Variants in DDAH1 observed in about 807,000 individuals in gnomAD.
The protein encoded by DDAH1 is dimethylarginine dimethylaminohydrolase 1.
DDAH1 carries 19 observed loss-of-function variants against 28.8 expected under a neutral mutation model. The ratio of observed to expected loss-of-function variants is 0.66; its 90% CI spans 0.46 to 0.97. The LOEUF (loss-of-function observed/expected upper bound fraction) is 0.97. DDAH1 is among the 50% of genes least tolerant of loss of function. DDAH1 has a pLI of 0.00. For synonymous variants in DDAH1, 153 were observed against 154.4 expected (o/e 0.99, Z 0.07); for missense variants, 326 against 375.9 (o/e 0.87, Z 1.10).
chr1:85,440,708 G>A (rs548575227), intron 1 of DDAH1, among the ~76,000 whole-genome samples: 4 of 152,260 alleles, frequency 2.6e-5, no homozygotes, highest in Admixed American at 6.5e-5. Context: ...GGAAGTGGAC[G>A]TCTGTAATAC....
At chr1:85,330,974 C>T (rs1394396503) in intron 4 of DDAH1, among the ~76,000 whole-genome samples, 1 of 152,176 alleles carries the variant, frequency 6.6e-6, no homozygotes, top group Non-Finnish European at 1.5e-5. Context: ...GAAGAAGGCA[C>T]GCAGCTGTAG....
At chr1:85,502,957 A>T (rs922409832) in intron 1 of DDAH1, among the ~76,000 whole-genome samples, 2 of 152,120 alleles carry the variant, frequency 1.3e-5, no homozygotes, top group African/African-American at 4.8e-5. Flanking sequence ...CTCACTATCC[A>T]TAGCTACCAG....
At chr1:85,461,637 G>A (rs1655130249) in intron 1 of DDAH1, among the ~76,000 whole-genome samples, 1 of 152,190 alleles carries the variant, frequency 6.6e-6, no homozygotes, top group South Asian at 2.1e-4. Flanking sequence ...GAGAATTAAG[G>A]TTAATCTAAA....
intron 1 of DDAH1, among the ~76,000 whole-genome samples, chr1:85,412,858 G>T (rs1397911790): frequency 1.3e-5 from 2 of 151,998 alleles, no homozygotes; most frequent in Non-Finnish European, 2.9e-5. Context: ...AAAATTAGCT[G>T]GGCATGGTGG....
chr1:85,431,205 T>A (rs1008201042), intron 1 of DDAH1, among the ~76,000 whole-genome samples: 3 of 152,164 alleles, frequency 2.0e-5, no homozygotes, highest in Admixed American at 2.0e-4. Context: ...TACTGATTTG[T>A]GTATGTTGAA....
intron 2 of DDAH1, among the ~76,000 whole-genome samples, chr1:85,479,794 C>T (rs186948886): frequency 1.6e-3 from 248 of 152,248 alleles, no homozygotes; most frequent in African/African-American, 5.7e-3. Context: ...ATGGTGCTTC[C>T]AGCTTCCATC....
chr1:85,549,137 C>T (rs1557751242), intron 1 of DDAH1, among the ~76,000 whole-genome samples: 1 of 152,140 alleles, frequency 6.6e-6, no homozygotes, highest in Non-Finnish European at 1.5e-5. Flanking sequence ...TGTATGAAAG[C>T]ATGGGTTTTC....
intron 2 of DDAH1, 146 bp from the exon 3 acceptor site, chr1:85,351,725 A>G: frequency 1.7e-6 from 1 of 604,498 alleles, no homozygotes. Flanking sequence ...ACAAAAAATG[A>G]TTTCAAACTA....
intron 2 of DDAH1, among the ~76,000 whole-genome samples, chr1:85,355,851 A>T (rs1649462468): frequency 6.6e-6 from 1 of 152,214 alleles, no homozygotes; most frequent in Non-Finnish European, 1.5e-5. Flanking sequence ...ATCAACTTAG[A>T]TCAAAAGTAG....
intron 5 of DDAH1, among the ~76,000 whole-genome samples, chr1:85,324,195 C>G (rs1458962760): frequency 6.6e-6 from 1 of 150,812 alleles, no homozygotes; most frequent in African/African-American, 2.4e-5. Context: ...CTCTTGAGCC[C>G]GGGAGGTGGG....
chr1:85,521,754 C>T (rs2100763486), intron 1 of DDAH1: 1 of 429,130 alleles, frequency 2.3e-6, no homozygotes, highest in Non-Finnish European at 3.1e-6. Context: ...CCTACCCCAT[C>T]CGGCTCACGT....
At chr1:85,488,912 C>A (rs1656293221) in intron 2 of DDAH1, among the ~76,000 whole-genome samples, 1 of 152,180 alleles carries the variant, frequency 6.6e-6, no homozygotes, top group Non-Finnish European at 1.5e-5. Context: ...TTTCAGCATT[C>A]TGAATCAAAT....
chr1:85,440,929 G>A (rs1654163098), intron 1 of DDAH1, among the ~76,000 whole-genome samples: 1 of 152,234 alleles, frequency 6.6e-6, no homozygotes. Context: ...GAATGGTTAA[G>A]AGAGAAAGAG....
At chr1:85,396,943 G>A (rs1001889577) in intron 1 of DDAH1, among the ~76,000 whole-genome samples, 2 of 151,888 alleles carry the variant, frequency 1.3e-5, no homozygotes, top group Non-Finnish European at 2.9e-5. Context: ...GCTGAGAGGT[G>A]GGAGGATCGC....
intron 1 of DDAH1, among the ~76,000 whole-genome samples, chr1:85,558,190 C>T (rs1287605468): frequency 6.6e-6 from 1 of 152,108 alleles, no homozygotes; most frequent in African/African-American, 2.4e-5. Context: ...GATGAAACCT[C>T]GTCTCTACTT....
chr1:85,488,226 C>T (rs760334130), intron 2 of DDAH1: 1 of 152,090 alleles, frequency 6.6e-6, no homozygotes, highest in East Asian at 1.9e-4. Flanking sequence ...TATTAGTCAG[C>T]TCAGACTGCC....
intron 1 of DDAH1, among the ~76,000 whole-genome samples, chr1:85,417,721 ATC>A (rs771746121): frequency 1.3e-5 from 2 of 152,186 alleles, no homozygotes; most frequent in Non-Finnish European, 2.9e-5. Context: ...GAATAAAATA[ATC>A]TCTGTCCTCT....
chr1:85,484,503 A>C (rs929241368), intron 2 of DDAH1, among the ~76,000 whole-genome samples: 3 of 152,086 alleles, frequency 2.0e-5, no homozygotes, highest in African/African-American at 7.2e-5. Flanking sequence ...AACAAAGGTT[A>C]AATTCTTTAC....
intron 1 of DDAH1, among the ~76,000 whole-genome samples, chr1:85,411,892 T>C (rs1425532811): frequency 6.6e-6 from 1 of 152,164 alleles, no homozygotes; most frequent in Non-Finnish European, 1.5e-5. Context: ...TGGAGGTCAA[T>C]CAATAGCTGG....
Sources: gnomAD v4.1 joint callset for allele counts (sites outside exome capture counted in the v4.1 genomes callset) on GRCh38, gnomAD v4.1.1 for gene constraint, MANE v1.5 for transcripts, NCBI Gene and HGNC (gene_info 2026-07-23, HGNC 2026-07-21) for gene names.